The following OR1L8 variants were observed in gnomAD, a reference collection of about 807,000 sequenced individuals.
OR1L8 encodes the protein olfactory receptor 1L8.
For missense variants in OR1L8, 330 were observed against 377.4 expected, an observed-to-expected ratio of 0.87 and a Z score of 1.04; for synonymous variants, 148 against 147.0, an observed-to-expected ratio of 1.01 and a Z score of -0.05.
At chr9:122,569,131 A>AT (rs112497477) in intron 4 of OR1L8, among the ~76,000 whole-genome samples, 101 of 151,730 alleles carry the variant, frequency 6.7e-4, no homozygotes, top group African/African-American at 2.1e-3. Flanking sequence ...CAATAGAGTG[A>AT]TTTTTTTTTC....
intron 3 of OR1L8, among the ~76,000 whole-genome samples, chr9:122,574,838 A>C (rs919459309): frequency 6.6e-5 from 10 of 152,018 alleles, no homozygotes; most frequent in African/African-American, 2.4e-4. Flanking sequence ...TTTTGGGGGT[A>C]GTTTTTTCTT....
At chr9:122,559,667 ATTTCACT>A in the OR1L8 span, among the ~76,000 whole-genome samples, 1,242 of 150,768 alleles carry the variant, frequency 8.2e-3, 16 homozygotes, top group African/African-American at 0.029. Flanking sequence ...TTCTAATTTG[ATTTCACT>A]GTGGTCTGAG....
At chr9:122,562,613 A>T (rs1417523344), downstream of OR1L8, among the ~76,000 whole-genome samples, 1 of 151,826 alleles carries the variant, frequency 6.6e-6, no homozygotes, top group Non-Finnish European at 1.5e-5. Context: ...ACCACACTGC[A>T]CTTCCTTCCT....
chr9:122,556,783 C>G, the OR1L8 span, among the ~76,000 whole-genome samples: 1 of 152,152 alleles, frequency 6.6e-6, no homozygotes, highest in Non-Finnish European at 1.5e-5. Flanking sequence ...TTGATATCCA[C>G]AAAGTAACTT....
rs142886293 is a variant in OR1L8 at position 122,568,263 on chromosome 9, A to G, written c.215T>C (p.Ile72Thr). Residue 72 changes from isoleucine (I) to threonine (T), a missense_variant, in exon 5 of 5, where the codon ATT becomes ACT. Ile to Thr is a moderately conservative substitution (Grantham distance 89, BLOSUM62 -1). Coordinates refer to ENST00000641027, the MANE Select transcript of OR1L8 (RefSeq NM_001004454.2). Reference protein sequence around the residue: ...FFLSFLSLTDICFTTSVVPKM... With the variant: ...FFLSFLSLTDTCFTTSVVPKM... ...GGGGACAACGCTTGTTGTAAAGCAA[A>G]TATCAGTGAGAGACAGAAAACTCAA... 3 of 1,613,968 alleles carry G rather than the reference A, an allele frequency of 1.9e-6. No homozygotes were observed. Among genetic ancestry groups the G allele is most frequent in the South Asian group, 1.1e-5 (1 of 91,068 alleles).
the OR1L8 span, among the ~76,000 whole-genome samples, chr9:122,555,651 G>T: frequency 6.6e-6 from 1 of 152,200 alleles, no homozygotes; most frequent in South Asian, 2.1e-4. Flanking sequence ...GTTGTAGAGG[G>T]TAGCAAGTTT....
chr9:122,559,126 T>C, the OR1L8 span, among the ~76,000 whole-genome samples: 1 of 152,044 alleles, frequency 6.6e-6, no homozygotes, highest in Admixed American at 6.5e-5. Flanking sequence ...CATGCTTTTG[T>C]ACAATAGAAC....
At chr9:122,554,940 T>C in the OR1L8 span, among the ~76,000 whole-genome samples, 1 of 152,216 alleles carries the variant, frequency 6.6e-6, no homozygotes, top group African/African-American at 2.4e-5. Flanking sequence ...AAATCAAGCA[T>C]GCTGGAAATT....
the OR1L8 span, among the ~76,000 whole-genome samples, chr9:122,551,685 G>A: frequency 1.3e-5 from 2 of 152,048 alleles, no homozygotes; most frequent in African/African-American, 4.8e-5. Context: ...GGAAAGAGAG[G>A]TCCTCAGCTC....
intron 1 of OR1L8, among the ~76,000 whole-genome samples, chr9:122,581,467 A>C (rs959550): frequency 0.46 from 69,794 of 152,008 alleles, 16,936 homozygotes; most frequent in Non-Finnish European, 0.54. Flanking sequence ...ACTTCCAAAA[A>C]ATTTTCAAAA....
the OR1L8 span, chr9:122,553,386 C>G: frequency 2.3e-5 from 37 of 1,614,148 alleles, no homozygotes; most frequent in South Asian, 4.0e-4. Flanking sequence ...CCCACACCTC[C>G]ATACTCCCAT....
chr9:122,560,916 T>C, the OR1L8 span, among the ~76,000 whole-genome samples: 26 of 152,292 alleles, frequency 1.7e-4, no homozygotes, highest in Non-Finnish European at 2.4e-4. Flanking sequence ...TATCCTGAAG[T>C]GTGTTTTCCA....
chr9:122,582,466 A>G (rs1829749340), intron 1 of OR1L8, among the ~76,000 whole-genome samples: 1 of 152,156 alleles, frequency 6.6e-6, no homozygotes, highest in African/African-American at 2.4e-5. Context: ...TTATAATCCC[A>G]GCACTCTGGG....
chr9:122,564,315 G>T (rs1288001636), downstream of OR1L8, among the ~76,000 whole-genome samples: 1 of 152,132 alleles, frequency 6.6e-6, no homozygotes, highest in Non-Finnish European at 1.5e-5. Flanking sequence ...TGCAACTGTG[G>T]TTATTTCTCC....
chr9:122,578,084 T>G (rs1471395035), intron 2 of OR1L8, among the ~76,000 whole-genome samples: 1 of 152,148 alleles, frequency 6.6e-6, no homozygotes, highest in Admixed American at 6.5e-5. Flanking sequence ...TGGAGATTCA[T>G]TAAAGAACTA....
chr9:122,547,262 T>G, the OR1L8 span, among the ~76,000 whole-genome samples: 2 of 152,068 alleles, frequency 1.3e-5, no homozygotes, highest in South Asian at 4.1e-4. Context: ...GGCAAATATA[T>G]TAACAGGACA....
chr9:122,574,076 A>G (rs892066101), intron 3 of OR1L8, among the ~76,000 whole-genome samples: 16 of 151,918 alleles, frequency 1.1e-4, no homozygotes, highest in African/African-American at 3.9e-4. Flanking sequence ...CCATTGATCT[A>G]TTTGCCTATT....
Position 122,572,093 on chromosome 9 carries a change from T to C in OR1L8, c.-213+687A>G, listed in dbSNP as rs531390457. ...GCAGAACAGAGGTGGGGGGAGGCGC[T>C]ACACACTTTTTAAACAAGTAGATCT... On this transcript the variant is annotated intron_variant, in intron 4 of 4. Transcript: ENST00000641027. Among the ~76,000 whole-genome samples, 28 of 152,232 alleles carry C rather than the reference T, an allele frequency of 1.8e-4. No homozygotes were observed. The South Asian group carries it at 5.8e-3, about 32-fold the overall frequency.
At chr9:122,571,351 T>C (rs1159862208) in intron 4 of OR1L8, among the ~76,000 whole-genome samples, 2 of 151,730 alleles carry the variant, frequency 1.3e-5, no homozygotes, top group African/African-American at 4.8e-5. Flanking sequence ...GGAGATTGGG[T>C]GCATCCTGGC....
Sources: allele counts gnomAD v4.1 joint callset (sites outside exome capture counted in the v4.1 genomes callset), GRCh38; gene constraint gnomAD v4.1.1; transcripts MANE v1.5; gene names NCBI Gene and HGNC (gene_info 2026-07-23, HGNC 2026-07-21).